Variants in MACROD2 observed in about 807,000 individuals in gnomAD.
MACROD2 encodes the protein ADP-ribose glycohydrolase MACROD2.
Under a neutral mutation model 70.4 loss-of-function variants are expected in MACROD2, and 36 were observed. The ratio of observed to expected loss-of-function variants is 0.51; its 90% CI spans 0.39 to 0.68. The LOEUF (loss-of-function observed/expected upper bound fraction) is 0.68. Among genes scored for constraint, MACROD2 ranks in the 30% least tolerant of loss-of-function variants. MACROD2 has a pLI of 0.00. For synonymous variants in MACROD2, 172 were observed against 178.8 expected, an observed-to-expected ratio of 0.96 and a Z score of 0.30; for missense variants, 496 against 538.4, an observed-to-expected ratio of 0.92 and a Z score of 0.78.
At chr20:15,529,334 G>A (rs528629943) in intron 8 of MACROD2, among the ~76,000 whole-genome samples, 29 of 151,900 alleles carry the variant, frequency 1.9e-4, no homozygotes, top group African/African-American at 7.0e-4. Flanking sequence ...ATTTATTTCT[G>A]GAAGATAGGA....
chr20:14,127,275 C>G (rs2054663440), intron 3 of MACROD2: 1 of 254,788 alleles, frequency 3.9e-6, no homozygotes, highest in South Asian at 1.5e-4. Flanking sequence ...GGCCCTAACT[C>G]TCTTCAATAC....
intron 3 of MACROD2, chr20:14,223,280 G>A (rs1297701576): frequency 6.6e-6 from 1 of 152,204 alleles, no homozygotes; most frequent in African/African-American, 2.4e-5. Flanking sequence ...TATCAGCAAT[G>A]TATACAGTCT....
intron 8 of MACROD2, among the ~76,000 whole-genome samples, chr20:15,783,499 C>T (rs186155260): frequency 4.6e-5 from 7 of 152,016 alleles, no homozygotes; most frequent in African/African-American, 1.7e-4. Context: ...GGGTATTTGT[C>T]TCATTAATTA....
chr20:14,630,231 T>G (rs938642344), intron 4 of MACROD2, among the ~76,000 whole-genome samples: 2 of 152,064 alleles, frequency 1.3e-5, no homozygotes, highest in East Asian at 1.9e-4. Context: ...TGCTGCGGAA[T>G]GTAATTGGGG....
intron 12 of MACROD2, among the ~76,000 whole-genome samples, chr20:15,942,579 G>A (rs1204998322): frequency 1.3e-5 from 2 of 152,100 alleles, no homozygotes; most frequent in Non-Finnish European, 2.9e-5. Flanking sequence ...ACAAATTTAG[G>A]AGTACAAGTA....
chr20:15,217,518 A>T (rs1043159541), intron 5 of MACROD2, among the ~76,000 whole-genome samples: 5 of 152,060 alleles, frequency 3.3e-5, no homozygotes, highest in African/African-American at 1.2e-4. Context: ...TCTGATAATA[A>T]TTACACATTC....
chr20:15,006,349 G>A (rs1013274684), intron 5 of MACROD2, among the ~76,000 whole-genome samples: 5 of 151,930 alleles, frequency 3.3e-5, no homozygotes, highest in Non-Finnish European at 7.4e-5. Context: ...ATGGGGTTGG[G>A]GCAGGGGAAC....
intron 8 of MACROD2, among the ~76,000 whole-genome samples, chr20:15,555,564 T>C (rs750284190): frequency 2.6e-5 from 4 of 151,840 alleles, no homozygotes; most frequent in Non-Finnish European, 4.4e-5. Context: ...GAGGAACAGG[T>C]AAGGGGTTGA....
intron 12 of MACROD2, among the ~76,000 whole-genome samples, chr20:15,955,228 A>G (rs921898266): frequency 1.6e-4 from 24 of 152,166 alleles, no homozygotes; most frequent in African/African-American, 5.6e-4. Context: ...AATAAACCCA[A>G]TTGACTTAAA....
intron 5 of MACROD2, among the ~76,000 whole-genome samples, chr20:15,106,048 T>TA (rs1458772972): frequency 3.9e-5 from 6 of 152,290 alleles, no homozygotes; most frequent in Admixed American, 2.0e-4. Flanking sequence ...TCATATTGCA[T>TA]TAAAATTATA....
chr20:15,531,118 A>G (rs1434690198), intron 8 of MACROD2, among the ~76,000 whole-genome samples: 5 of 151,814 alleles, frequency 3.3e-5, no homozygotes, highest in Non-Finnish European at 5.9e-5. Context: ...AAAAAGAGGC[A>G]AGAGATGTTA....
intron 3 of MACROD2, among the ~76,000 whole-genome samples, chr20:14,230,918 C>A (rs2081804606): frequency 6.6e-6 from 1 of 151,046 alleles, no homozygotes; most frequent in Admixed American, 6.6e-5. Flanking sequence ...GTGAAAAAAA[C>A]ATTCATCTTG....
At chr20:14,520,737 C>G (rs2085158365) in intron 4 of MACROD2, among the ~76,000 whole-genome samples, 1 of 152,164 alleles carries the variant, frequency 6.6e-6, no homozygotes, top group Admixed American at 6.5e-5. Context: ...TCTTTTGCTA[C>G]CTTTGTACCT....
intron 3 of MACROD2, among the ~76,000 whole-genome samples, chr20:14,309,974 A>C (rs564088397): frequency 6.6e-6 from 1 of 152,188 alleles, no homozygotes; most frequent in East Asian, 1.9e-4. Context: ...CAGACTCTTC[A>C]GTTTTAGAAG....
intron 8 of MACROD2, among the ~76,000 whole-genome samples, chr20:15,531,734 CCTTT>C (rs1391906946): frequency 6.6e-6 from 1 of 152,050 alleles, no homozygotes; most frequent in East Asian, 1.9e-4. Flanking sequence ...TTATTTTTCT[CCTTT>C]CTTTTTAAAT....
At chr20:15,541,611 T>G (rs553179912) in intron 8 of MACROD2, among the ~76,000 whole-genome samples, 1 of 152,310 alleles carries the variant, frequency 6.6e-6, no homozygotes, top group African/African-American at 2.4e-5. Flanking sequence ...ACAGTTTTCT[T>G]CAGAAAACTG....
chr20:15,595,863 A>G (rs1170960030), intron 8 of MACROD2, among the ~76,000 whole-genome samples: 2 of 152,222 alleles, frequency 1.3e-5, no homozygotes, highest in Non-Finnish European at 2.9e-5. Context: ...CTCAGAATGA[A>G]AAACTTGAGC....
At chr20:14,994,600 A>G (rs1028004854) in intron 5 of MACROD2, among the ~76,000 whole-genome samples, 1 of 152,154 alleles carries the variant, frequency 6.6e-6, no homozygotes, top group Non-Finnish European at 1.5e-5. Flanking sequence ...ACCAAAAAAT[A>G]TATAATAAAT....
chr20:14,684,977 C>T lies in MACROD2; in HGVS notation c.418+18C>T. On this transcript the variant is annotated intron_variant, in intron 5 of 17. Coordinates refer to ENST00000684519, the MANE Select transcript of MACROD2 (RefSeq NM_001351661.2). ...TGCAAAATGTGAGTACAACTGAATA[C>T]TGTTTCAAAACCAGATGAGACATCT... The T allele has an allele frequency of 6.3e-7, 1 of 1,584,964 alleles. No individual in the cohort carries two copies. The highest frequency in any genetic ancestry group is 8.7e-7 in the Non-Finnish European group (1 of 1,154,008).
Sources: allele counts gnomAD v4.1 joint callset (sites outside exome capture counted in the v4.1 genomes callset), GRCh38; gene constraint gnomAD v4.1.1; transcripts MANE v1.5; gene names NCBI Gene and HGNC (gene_info 2026-07-23, HGNC 2026-07-21).